Variants in EML5 observed in about 807,000 individuals in gnomAD.
EML5 encodes echinoderm microtubule-associated protein-like 5.
In EML5, 120 loss-of-function variants were observed where a neutral mutation model predicts 250.0. The ratio of observed to expected loss-of-function variants is 0.48; its 90% CI spans 0.41 to 0.56. The LOEUF (loss-of-function observed/expected upper bound fraction) is 0.56. Ranked by LOEUF, EML5 falls within the 20% of genes least tolerant of loss-of-function variation. The probability of loss-of-function intolerance (pLI) is 0.00; values close to 1 mark genes in which losing one functional copy is unlikely to be tolerated. For missense variants in EML5, 2,006 were observed against 2,437.6 expected (o/e 0.82, Z 3.73); for synonymous variants, 771 against 806.5 (o/e 0.96, Z 0.75).
chr14:88,630,471 C>T (rs2090379334), intron 33 of EML5, among the ~76,000 whole-genome samples: 1 of 152,080 alleles, frequency 6.6e-6, no homozygotes, highest in Admixed American at 6.5e-5. Context: ...ACCAAGGCTC[C>T]AGTTTTATTC....
At chr14:88,753,070 T>C (rs2094118896) in intron 2 of EML5, among the ~76,000 whole-genome samples, 1 of 152,198 alleles carries the variant, frequency 6.6e-6, no homozygotes, top group South Asian at 2.1e-4. Flanking sequence ...GACTCTTCAC[T>C]GAGTTGTTCA....
Position 88,685,039 on chromosome 14 carries a change from A to ACTTTTATC in EML5, c.2950_2957dup (p.Ser986ArgfsTer7). 1.2e-6 allele frequency: 2 copies of ACTTTTATC among 1,606,530 alleles called. No individual in the cohort carries two copies. Among genetic ancestry groups the ACTTTTATC allele is most frequent in the Non-Finnish European group, 1.7e-6 (2 of 1,176,586 alleles). On this transcript the variant is annotated frameshift_variant, in exon 20 of 44. Coordinates refer to ENST00000554922, the MANE Select transcript of EML5 (RefSeq NM_183387.3). LOFTEE classifies it high-confidence loss of function. ...CCTGAACCAGAAGTGTTATTGGGCC[A>ACTTTTATC]CTTTTATCCACTTCTAGTATTTCAC...
chr14:88,670,468 GA>G lies in EML5; in HGVS notation c.3125-4980del, dbSNP rs921533833. ...CTCACAAAGATGAGACAGAATCAAA[GA>G]AAAAAAATGCTGCAAACTCAAAAAG... On this transcript the variant is annotated intron_variant, in intron 21 of 43. Coordinates refer to ENST00000554922, the MANE Select transcript of EML5 (RefSeq NM_183387.3). Among the ~76,000 whole-genome samples the G allele has an allele frequency of 1.4e-3, 207 of 151,878 alleles. 2 individuals carry two copies. Among genetic ancestry groups the G allele is most frequent in the African/African-American group, 4.6e-3 (192 of 41,412 alleles).
chr14:88,687,277 A>T lies in EML5; in HGVS notation c.2793T>A (p.Ser931=). The change falls in exon 19 of 44, where the codon TCT becomes TCA. Residue 931 remains serine, a synonymous_variant. Transcript: ENST00000554922. ...KDGIVALWDD[S]FERCLKTYAI... is the part of the protein sequence containing the mutation. ...CATAGGTCTTGAGACATCTTTCAAA[A>T]GAGTCATCCCAAAGAGCTACTATAC... 6.2e-7 allele frequency: 1 copy of T among 1,612,728 alleles called. No individual in the cohort carries two copies. Among genetic ancestry groups the T allele is most frequent in the Non-Finnish European group, 8.5e-7 (1 of 1,179,458 alleles).
At chr14:88,623,965 C>G (rs1336884839) in intron 36 of EML5, 1 of 152,202 alleles carries the variant, frequency 6.6e-6, no homozygotes. Flanking sequence ...TGCATTCTTC[C>G]TTTATGTAAA....
Position 88,615,529 on chromosome 14 carries a change from T to G in EML5, c.*289A>C, listed in dbSNP as rs2087459984. On this transcript the variant is annotated 3_prime_UTR_variant, in exon 44 of 44. Transcript: ENST00000554922. ...CTCTACCCTAAATTTTCCCAGCAGG[T>G]CTGCCGAAATCACACACTTCCCAAT... 1 of 329,898 alleles carries G rather than the reference T, an allele frequency of 3.0e-6. No individual in the cohort carries two copies. The highest frequency in any genetic ancestry group is 1.3e-4 in the South Asian group (1 of 7,900). The allele number at this position is 329,898 out of a possible 1,614,324, so 20.4% of individuals were successfully genotyped here.
Position 88,706,419 on chromosome 14 carries a change from C to T in EML5, c.1665G>A (p.Lys555=), listed in dbSNP as rs770375247. 3.3e-6 allele frequency: 5 copies of T among 1,532,072 alleles called. No individual in the cohort carries two copies. Among genetic ancestry groups the T allele is most frequent in the South Asian group, 1.3e-5 (1 of 74,208 alleles). The allele number at this position is 1,532,072 out of a possible 1,614,324, so 94.9% of individuals were successfully genotyped here. A position where few individuals can be genotyped will look rare whatever the true frequency, so the allele number is the denominator to read the frequency against. The part of the protein sequence containing the change: ...FRYPCLRKGA[K]FRKYIGHSAH... ...CTGAATGGCCAATATATTTTCTAAACTTGGCCCCTATAATAAAAATATATC... is the reference window on the plus strand; with the variant it reads ...CTGAATGGCCAATATATTTTCTAAATTTGGCCCCTATAATAAAAATATATC... Residue 555 remains lysine (K), a synonymous_variant, in exon 11 of 44, where the codon AAG becomes AAA. Coordinates refer to ENST00000554922, the MANE Select transcript of EML5 (RefSeq NM_183387.3).
intron 1 of EML5, among the ~76,000 whole-genome samples, chr14:88,791,467 C>G (rs1242729263): frequency 6.6e-6 from 1 of 152,132 alleles, no homozygotes; most frequent in Non-Finnish European, 1.5e-5. Context: ...CTTGACTTTA[C>G]CATAAAAGTT....
At chr14:88,616,085 T>TTA in intron 43 of EML5, 57 bp downstream of exon 43, 1 of 1,562,980 alleles carries the variant, frequency 6.4e-7, no homozygotes, top group Non-Finnish European at 8.8e-7. Flanking sequence ...AGTTGTTGTA[T>TTA]TAAGTCTCTT....
chr14:88,689,198 C>A (rs543763381), intron 17 of EML5, among the ~76,000 whole-genome samples: 1 of 152,144 alleles, frequency 6.6e-6, no homozygotes, highest in Non-Finnish European at 1.5e-5. Flanking sequence ...CTTGTAAAGG[C>A]CTCTTCTATA....
chr14:88,770,304 T>C (rs2094376546), intron 1 of EML5, among the ~76,000 whole-genome samples: 1 of 152,198 alleles, frequency 6.6e-6, no homozygotes, highest in African/African-American at 2.4e-5. Context: ...AATTTTACTT[T>C]TTATAATTCA....
In EML5 at chr14:88,765,940, G is replaced by C. The variant is rs536632582; in HGVS notation, c.198-11269C>G. 6.1e-4 allele frequency among the ~76,000 whole-genome samples: 93 copies of C among 152,324 alleles called. 1 individual carries two copies. The East Asian group carries it at 0.016, about 26-fold the overall frequency. ...ATGGCAGAAGAACATAAATTGTGAA[G>C]ATTTCATGGACATTTATTAGCTCCC... On this transcript the variant is annotated intron_variant, in intron 1 of 43. Coordinates refer to ENST00000554922, the MANE Select transcript of EML5 (RefSeq NM_183387.3).
chr14:88,743,964 T>C, intron 4 of EML5, 59 bp downstream of exon 4: 2 of 1,196,934 alleles, frequency 1.7e-6, no homozygotes, highest in Middle Eastern at 2.0e-4. Context: ...AACAGTGCAA[T>C]ATATACTTAG....
At chr14:88,650,314 C>T (rs1420553111) in intron 27 of EML5, among the ~76,000 whole-genome samples, 1 of 151,798 alleles carries the variant, frequency 6.6e-6, no homozygotes, top group Non-Finnish European at 1.5e-5. Context: ...AATAACTGGG[C>T]GTGGTGGTGC....
At position 88,735,952 on chromosome 14, in the gene EML5, C is replaced by T. The variant is rs139362207; in HGVS notation, c.1049+412G>A. Among the ~76,000 whole-genome samples, 15 of 151,016 alleles carry T rather than the reference C, an allele frequency of 9.9e-5. No individual in the cohort carries two copies. The East Asian group carries it at 2.5e-3, about 25-fold the overall frequency. ...ATTAATTTTCAGTATTACTTATGTT[C>T]ATTTGTTATACCATGAGCTAATAAA... On this transcript the variant is annotated intron_variant, in intron 7 of 43. Coordinates refer to ENST00000554922, the MANE Select transcript of EML5 (RefSeq NM_183387.3).
chr14:88,664,462 T>C (rs1489885863), intron 23 of EML5, 31 bp downstream of exon 23: 2 of 1,554,730 alleles, frequency 1.3e-6, no homozygotes, highest in East Asian at 2.3e-5. Flanking sequence ...AATGAAACTT[T>C]TATCAAGTAT....
intron 1 of EML5, among the ~76,000 whole-genome samples, chr14:88,788,080 G>A (rs1245797291): frequency 6.6e-6 from 1 of 152,154 alleles, no homozygotes; most frequent in African/African-American, 2.4e-5. Flanking sequence ...CCAGGTTTGG[G>A]AAATCATGAG....
chr14:88,751,763 C>T (rs2094099209), intron 2 of EML5, among the ~76,000 whole-genome samples: 1 of 152,044 alleles, frequency 6.6e-6, no homozygotes, highest in African/African-American at 2.4e-5. Context: ...AGGAAAGACT[C>T]CTTTAAAGAT....
intron 7 of EML5, among the ~76,000 whole-genome samples, chr14:88,734,250 C>T (rs2093805287): frequency 1.3e-5 from 2 of 151,950 alleles, no homozygotes; most frequent in South Asian, 4.2e-4. Context: ...TTTATTATAA[C>T]CAGGATAAAC....
Sources: allele counts gnomAD v4.1 joint callset (sites outside exome capture counted in the v4.1 genomes callset), GRCh38; gene constraint gnomAD v4.1.1; transcripts MANE v1.5; gene names NCBI Gene and HGNC (gene_info 2026-07-23, HGNC 2026-07-21).